Variants in DLAT observed in about 807,000 individuals in gnomAD.
DLAT encodes the protein dihydrolipoamide S-acetyltransferase, also known as dihydrolipoyllysine-residue acetyltransferase component of pyruvate dehydrogenase complex, mitochondrial.
A neutral mutation model predicts 68.0 loss-of-function variants in DLAT; 43 were observed. That is an observed-to-expected ratio of 0.63 (90% confidence interval 0.50 to 0.81). The LOEUF is 0.81. DLAT is among the 40% of genes least tolerant of loss of function. The pLI, the probability that DLAT is intolerant of heterozygous loss-of-function variation, is 0.00. For missense variants in DLAT, 745 were observed against 815.4 expected, an observed-to-expected ratio of 0.91 and a Z score of 1.05; for synonymous variants, 265 against 288.6, an observed-to-expected ratio of 0.92 and a Z score of 0.83.
chr11:112,028,008 G>C (rs587674131), intron 2 of DLAT, among the ~76,000 whole-genome samples: 2 of 152,270 alleles, frequency 1.3e-5, no homozygotes, highest in Admixed American at 6.5e-5. Context: ...TTGCCTAATT[G>C]ACTGAACATT....
chr11:112,030,679 A>C (rs782439241), intron 4 of DLAT, among the ~76,000 whole-genome samples: 1 of 152,234 alleles, frequency 6.6e-6, no homozygotes, highest in South Asian at 2.1e-4. Context: ...AAACTAAGTC[A>C]GTTTATTAGG....
chr11:112,028,420 C>CAA (rs148561787), intron 2 of DLAT, 95 bp from the exon 3 acceptor site: 5,008 of 813,980 alleles, frequency 6.2e-3, no homozygotes, highest in Non-Finnish European at 6.9e-3. Context: ...CTCTGTGTCT[C>CAA]AAAAAAAAAA....
At chr11:112,060,772 G>A (rs995947697) in intron 12 of DLAT, among the ~76,000 whole-genome samples, 3 of 152,038 alleles carry the variant, frequency 2.0e-5, no homozygotes, top group Non-Finnish European at 2.9e-5. Context: ...GGCCTGCCAC[G>A]TAACTCTTAT....
rs782662937 is a variant in DLAT at position 112,028,625 on chromosome 11, T to C, written c.492T>C (p.Cys164=). The part of the protein sequence containing the change: ...TRDVPIGAII[C]ITVGKPEDIE... ...ATGTTCCCATCGGAGCGATCATCTG[T>C]ATCACAGTTGGCAAGTGAGTAGTGC... The change falls in exon 3 of 14, where the codon TGT becomes TGC. Residue 164 remains cysteine, a synonymous_variant. Transcript: ENST00000280346. 14 of 1,614,058 alleles carry C rather than the reference T, an allele frequency of 8.7e-6. No homozygotes were observed. Among genetic ancestry groups the C allele is most frequent in the African/African-American group, 5.3e-5 (4 of 74,908 alleles).
intron 11 of DLAT, among the ~76,000 whole-genome samples, chr11:112,055,536 G>A (rs945151991): frequency 7.9e-5 from 12 of 151,812 alleles, no homozygotes; most frequent in Admixed American, 4.6e-4. Flanking sequence ...GAGCCACCGC[G>A]CCCGGCCAAG....
At chr11:112,027,519 A>G (rs1402740525) in intron 2 of DLAT, among the ~76,000 whole-genome samples, 2 of 151,886 alleles carry the variant, frequency 1.3e-5, no homozygotes, top group Admixed American at 1.3e-4. Context: ...AGAGGCTGCA[A>G]TCTCGGCACT....
Position 112,060,006 on chromosome 11 carries a change from G to A in DLAT, c.1618G>A (p.Asp540Asn), listed in dbSNP as rs1431901682. The A allele has an allele frequency of 6.2e-7, 1 of 1,613,906 alleles. No homozygotes were observed. The highest frequency in any genetic ancestry group is 8.5e-7 in the Non-Finnish European group (1 of 1,179,980). ...AAAAGGAGTGGAAACCATTGCTAAT[G>A]ATGTTGTTTCTTTAGCAACCAAAGC... ...HIKGVETIAN[D>N]VVSLATKARE... The change falls in exon 12 of 14, where the codon GAT (aspartate) becomes AAT (asparagine). Residue 540 changes from aspartate to asparagine, a missense_variant. Transcript: ENST00000280346.
Position 112,025,741 on chromosome 11 carries a change from C to A in DLAT, c.269C>A (p.Pro90Gln), listed in dbSNP as rs781981054. ...SPGRRYYSLP[P>Q]HQKVPLPSLS... ...GGCCGCCGCTATTACAGTCTTCCCC[C>A]GCATCAGAAGGTGAGCCCTAGACCC... Residue 90 changes from proline to glutamine, a missense_variant, in exon 1 of 14, where the codon CCG (proline) becomes CAG (glutamine). Coordinates refer to ENST00000280346, the MANE Select transcript of DLAT (RefSeq NM_001931.5). 1.9e-6 allele frequency: 3 copies of A among 1,613,180 alleles called. No homozygotes were observed. In the African/African-American group the frequency reaches 4.0e-5, roughly 22 times the overall value.
intron 4 of DLAT, 29 bp downstream of exon 4, chr11:112,028,974 T>C (rs1449626269): frequency 6.2e-7 from 1 of 1,613,626 alleles, no homozygotes; most frequent in Admixed American, 1.7e-5. Flanking sequence ...GTTTTTGCTC[T>C]AGGTGATTAC....
intron 7 of DLAT, among the ~76,000 whole-genome samples, chr11:112,039,708 T>C (rs1258694952): frequency 6.6e-6 from 1 of 152,174 alleles, no homozygotes; most frequent in African/African-American, 2.4e-5. Flanking sequence ...GGGACTTGAT[T>C]ATGTAATAAG....
At chr11:112,031,533 C>T (rs1862393646) in intron 4 of DLAT, among the ~76,000 whole-genome samples, 2 of 151,966 alleles carry the variant, frequency 1.3e-5, no homozygotes, top group South Asian at 4.2e-4. Flanking sequence ...TCTCCTGCCT[C>T]AGCCTCCCGA....
At chr11:112,028,005 A>G (rs1469959567) in intron 2 of DLAT, among the ~76,000 whole-genome samples, 1 of 152,116 alleles carries the variant, frequency 6.6e-6, no homozygotes, top group Non-Finnish European at 1.5e-5. Context: ...GCTTTGCCTA[A>G]TTGACTGAAC....
intron 7 of DLAT, among the ~76,000 whole-genome samples, chr11:112,042,786 T>C (rs1229658900): frequency 7.2e-5 from 11 of 152,204 alleles, no homozygotes; most frequent in Non-Finnish European, 1.5e-5. Context: ...ACATTGCACC[T>C]TTTTCCTTCA....
chr11:112,045,328 A>G, intron 9 of DLAT, 98 bp downstream of exon 9: 1 of 1,014,584 alleles, frequency 9.9e-7, no homozygotes, highest in Non-Finnish European at 1.5e-6. Flanking sequence ...AGGCTTTTTA[A>G]GTTGGGAATA....
At position 112,027,783 on chromosome 11, in the gene DLAT, G is replaced by A. The variant is rs1343689377; in HGVS notation, c.382-732G>A. 6.2e-4 allele frequency among the ~76,000 whole-genome samples: 94 copies of A among 151,778 alleles called. 2 individuals are homozygous for A. The highest frequency in any genetic ancestry group is 1.3e-4 in the Non-Finnish European group (9 of 67,938). ...GGCGTGGCGGCGCGTGCCTGCAATC[G>A]CAGGCACTCAGCAGGCTGAGGCAGG... On this transcript the variant is annotated intron_variant, in intron 2 of 13. Transcript: ENST00000280346.
At position 112,025,725 on chromosome 11, in the gene DLAT, T is replaced by G. The variant is rs782202863; in HGVS notation, c.253T>G (p.Tyr85Asp). 3.1e-6 allele frequency: 5 copies of G among 1,612,984 alleles called. No individual in the cohort carries two copies. The African/African-American group carries it at 6.7e-5, about 22-fold the overall frequency. ...LQLLGSPGRR[Y>D]YSLPPHQKVP... ...GCTTTTGGGGTCGCCCGGCCGCCGC[T>G]ATTACAGTCTTCCCCCGCATCAGAA... The change falls in exon 1 of 14, where the codon TAT becomes GAT. Residue 85 changes from tyrosine (Y) to aspartate (D), a missense_variant. Tyr to Asp is a radical substitution (Grantham distance 160). Coordinates refer to ENST00000280346, the MANE Select transcript of DLAT (RefSeq NM_001931.5).
Position 112,026,294 on chromosome 11 carries a change from G to A in DLAT, c.376G>A (p.Ala126Thr). The A allele has an allele frequency of 6.6e-7, 1 of 1,506,294 alleles. No individual in the cohort carries two copies. Among genetic ancestry groups the A allele is most frequent in the Non-Finnish European group, 9.0e-7 (1 of 1,116,980 alleles). 93.3% of individuals were successfully genotyped at this position (1,506,294 alleles called of 1,614,324 possible). Residue 126 changes from alanine to threonine, a missense_variant, in exon 2 of 14, where the codon GCA (alanine) becomes ACA (threonine). Ala to Thr is a moderately conservative substitution (Grantham distance 58). Transcript: ENST00000280346. The part of the protein sequence containing the change: ...GDKINEGDLI[A>T]EVETDKATVG... ...CAAAATCAATGAAGGTGACCTAATT[G>A]CAGAGGTAAGTTTTTTTTTTTTTTT...
intron 12 of DLAT, among the ~76,000 whole-genome samples, chr11:112,060,782 T>C (rs186009709): frequency 1.9e-4 from 29 of 152,320 alleles, no homozygotes; most frequent in African/African-American, 5.8e-4. Context: ...GTAACTCTTA[T>C]TGACACACCG....
chr11:112,034,719 G>A (rs1251069688), intron 5 of DLAT, among the ~76,000 whole-genome samples: 2 of 151,942 alleles, frequency 1.3e-5, no homozygotes, highest in Non-Finnish European at 2.9e-5. Context: ...TGGGATTACA[G>A]GCGTGAGCCA....
Sources: gnomAD v4.1 joint callset for allele counts (sites outside exome capture counted in the v4.1 genomes callset) on GRCh38, gnomAD v4.1.1 for gene constraint, MANE v1.5 for transcripts, NCBI Gene and HGNC (gene_info 2026-07-23, HGNC 2026-07-21) for gene names.